PHF21A: variants seen among roughly 807,000 people sequenced by gnomAD.
PHF21A encodes the protein PHD finger protein 21A.
PHF21A carries 11 observed loss-of-function variants against 82.5 expected under a neutral mutation model. The ratio of observed to expected loss-of-function variants is 0.13; its 90% confidence interval spans 0.08 to 0.22. The LOEUF (loss-of-function observed/expected upper bound fraction) is 0.22, where lower values mean the gene tolerates loss of function less well. Among genes scored for constraint, PHF21A ranks in the 10% least tolerant of loss-of-function variants. PHF21A has a pLI of 1.00. For missense variants in PHF21A, 579 were observed against 837.8 expected (o/e 0.69, Z 3.81); for synonymous variants, 297 against 302.8 (o/e 0.98, Z 0.20).
rs369971487 is a variant in PHF21A at position 45,965,340 on chromosome 11, A to G, written c.971T>C (p.Leu324Pro). ...TRLAGPQTVQ[L>P]SKPSLEKQTV... ...CTGTTTTTCAAGACTTGGCTTGCTA[A>G]GCTGTACAGTTTGAGGTCCAGCGAG... Residue 324 changes from leucine to proline, a missense_variant, in exon 10 of 19, where the codon CTT becomes CCT. Transcript: ENST00000676320. 151 of 1,613,552 alleles carry G rather than the reference A, an allele frequency of 9.4e-5. 1 individual carries two copies. The highest frequency in any genetic ancestry group is 4.2e-4 in the South Asian group (38 of 90,948).
chr11:46,065,436 G>A (rs1383917118), intron 6 of PHF21A, among the ~76,000 whole-genome samples: 2 of 152,228 alleles, frequency 1.3e-5, no homozygotes, highest in East Asian at 3.8e-4. Context: ...CCGACATGCT[G>A]AGCATGGCAG....
chr11:46,057,773 T>A (rs958325503), intron 6 of PHF21A, among the ~76,000 whole-genome samples: 7 of 152,200 alleles, frequency 4.6e-5, no homozygotes, highest in Admixed American at 3.9e-4. Context: ...CACACTAACC[T>A]TGGCATAAAT....
chr11:45,969,610 C>T (rs78316938), intron 9 of PHF21A, among the ~76,000 whole-genome samples: 9,419 of 152,302 alleles, frequency 0.062, 384 homozygotes, highest in South Asian at 0.092. Context: ...TCCTTTACTT[C>T]CCCCTGCTAC....
intron 15 of PHF21A, among the ~76,000 whole-genome samples, chr11:45,942,642 G>A (rs569717176): frequency 3.4e-4 from 52 of 152,156 alleles, no homozygotes; most frequent in Non-Finnish European, 5.0e-4. Flanking sequence ...AACCACCAGC[G>A]ACGTCTAAGG....
intron 15 of PHF21A, 61 bp downstream of exon 15, chr11:45,945,779 G>A: frequency 1.4e-6 from 2 of 1,392,168 alleles, no homozygotes; most frequent in Non-Finnish European, 2.0e-6. Flanking sequence ...GACAACATAT[G>A]ATAACGCTTT....
chr11:46,097,363 C>T (rs536666316), intron 1 of PHF21A, among the ~76,000 whole-genome samples: 6 of 152,222 alleles, frequency 3.9e-5, no homozygotes, highest in East Asian at 3.9e-4. Flanking sequence ...ATCTCCCTAT[C>T]GCTCAATCCT....
chr11:45,996,278 A>G (rs2094905622), intron 6 of PHF21A, among the ~76,000 whole-genome samples: 1 of 152,152 alleles, frequency 6.6e-6, no homozygotes, highest in Admixed American at 6.5e-5. Context: ...AAAACATAGG[A>G]TCTAGTACTC....
chr11:45,961,566 T>G (rs1164483488), intron 10 of PHF21A, among the ~76,000 whole-genome samples: 7 of 152,142 alleles, frequency 4.6e-5, no homozygotes, highest in Non-Finnish European at 1.0e-4. Flanking sequence ...CTATGAAAAA[T>G]ATTTATGGTA....
At chr11:45,956,637 T>C (rs2092662764) in intron 10 of PHF21A, among the ~76,000 whole-genome samples, 4 of 152,120 alleles carry the variant, frequency 2.6e-5, no homozygotes. Flanking sequence ...TATGAATGTT[T>C]ACTGTAATCC....
At chr11:45,996,461 C>T (rs1292065149) in intron 6 of PHF21A, among the ~76,000 whole-genome samples, 1 of 152,144 alleles carries the variant, frequency 6.6e-6, no homozygotes, top group African/African-American at 2.4e-5. Context: ...CTAAGTCTGT[C>T]CCTATCATCC....
chr11:46,015,756 C>T (rs1369866659), intron 6 of PHF21A, among the ~76,000 whole-genome samples: 1 of 152,184 alleles, frequency 6.6e-6, no homozygotes, highest in Non-Finnish European at 1.5e-5. Flanking sequence ...ATATTACTGT[C>T]TTTTACCTCT....
intron 1 of PHF21A, chr11:46,120,606 G>C (rs1427110104): frequency 2.0e-5 from 3 of 151,712 alleles, no homozygotes; most frequent in African/African-American, 7.3e-5. Context: ...CTTTTTTTTC[G>C]GGGGGGAGGT....
At chr11:46,002,251 G>A (rs1004569567) in intron 6 of PHF21A, among the ~76,000 whole-genome samples, 1 of 152,106 alleles carries the variant, frequency 6.6e-6, no homozygotes, top group Non-Finnish European at 1.5e-5. Context: ...GGTTTTAATG[G>A]TGGGTTGAGC....
At chr11:45,943,239 C>G (rs949267151) in intron 15 of PHF21A, among the ~76,000 whole-genome samples, 2 of 151,604 alleles carry the variant, frequency 1.3e-5, no homozygotes, top group African/African-American at 2.4e-5. Context: ...CCTCCCACCT[C>G]AGCCTTGCAA....
intron 7 of PHF21A, 73 bp downstream of exon 7, chr11:45,979,687 G>A: frequency 6.2e-7 from 1 of 1,605,104 alleles, no homozygotes; most frequent in Non-Finnish European, 8.5e-7. Context: ...TGTGAGACAG[G>A]ACCCAGTTCT....
At chr11:45,954,355 T>C (rs1023842786) in intron 10 of PHF21A, among the ~76,000 whole-genome samples, 2 of 152,182 alleles carry the variant, frequency 1.3e-5, no homozygotes. Context: ...ATCAGAATGA[T>C]GTTAAAAACA....
Position 46,048,768 on chromosome 11 carries a change from T to C in PHF21A, c.153+27986A>G, listed in dbSNP as rs577438075. 3.0e-4 allele frequency among the ~76,000 whole-genome samples: 45 copies of C among 151,594 alleles called. No individual in the cohort carries two copies. The East Asian group carries it at 8.5e-3, about 29-fold the overall frequency. On this transcript the variant is annotated intron_variant, in intron 6 of 18. Transcript: ENST00000676320. ...TTGGGCGACAGAGCAAGACTCCATCTCAAAAAAAAAATAATTTTTTTTTTG... is the reference window on the plus strand; with the variant it reads ...TTGGGCGACAGAGCAAGACTCCATCCCAAAAAAAAAATAATTTTTTTTTTG...
chr11:46,054,662 T>C (rs2096424240), intron 6 of PHF21A, among the ~76,000 whole-genome samples: 1 of 152,166 alleles, frequency 6.6e-6, no homozygotes, highest in Non-Finnish European at 1.5e-5. Flanking sequence ...AGAAAAATCA[T>C]TACTATTCAA....
intron 6 of PHF21A, among the ~76,000 whole-genome samples, chr11:46,071,850 C>A (rs2096660281): frequency 6.6e-6 from 1 of 151,860 alleles, no homozygotes; most frequent in Non-Finnish European, 1.5e-5. Flanking sequence ...AAAGAACACT[C>A]AAAAATCTAA....
Sources: gnomAD v4.1 joint callset for allele counts (sites outside exome capture counted in the v4.1 genomes callset) on GRCh38, gnomAD v4.1.1 for gene constraint, MANE v1.5 for transcripts, NCBI Gene and HGNC (gene_info 2026-07-23, HGNC 2026-07-21) for gene names.